The following TPM1 variants were observed in gnomAD, a reference collection of about 807,000 sequenced individuals.
The protein encoded by TPM1 is tropomyosin alpha-1 chain.
A neutral mutation model predicts 42.9 loss-of-function variants in TPM1; 24 were observed. That is an observed-to-expected ratio of 0.56 (90% CI 0.41 to 0.79). The LOEUF (loss-of-function observed/expected upper bound fraction) is 0.79, where lower values mean the gene tolerates loss of function less well. Among genes scored for constraint, TPM1 ranks in the 30% least tolerant of loss-of-function variants. TPM1 has a pLI of 0.00. For synonymous variants in TPM1, 136 were observed against 130.1 expected, an observed-to-expected ratio of 1.05 and a Z score of -0.31; for missense variants, 158 against 351.8, an observed-to-expected ratio of 0.45 and a Z score of 4.41.
At chr15:63,070,326 G>GTATA (rs60393555), downstream of TPM1, 2,918 of 667,112 alleles carry the variant, frequency 4.4e-3, 59 homozygotes, top group African/African-American at 0.036. Flanking sequence ...GTGTGTGTGT[G>GTATA]TATATATTCC....
At chr15:63,067,129 G>T (rs1418906056), downstream of TPM1, among the ~76,000 whole-genome samples, 1 of 151,662 alleles carries the variant, frequency 6.6e-6, no homozygotes. Context: ...TGGATGATCT[G>T]CATGTTTTGT....
chr15:63,045,703 C>T (rs551666768), intron 2 of TPM1: 1 of 152,250 alleles, frequency 6.6e-6, no homozygotes, highest in East Asian at 1.9e-4. Context: ...ATTATTGTAA[C>T]TATGTAGTGC....
intron 6 of TPM1, 192 bp from the exon 7 acceptor site, chr15:63,062,020 CTTG>C (rs1471934504): frequency 1.2e-5 from 8 of 682,690 alleles, no homozygotes; most frequent in African/African-American, 5.4e-5. Flanking sequence ...GATAAGTTAT[CTTG>C]TTGTTATCCC....
chr15:63,043,370 G>A (rs2031605457), intron 1 of TPM1: 1 of 577,308 alleles, frequency 1.7e-6, no homozygotes, highest in Admixed American at 2.2e-5. Context: ...GAGGAGAAGG[G>A]AGTCCTGGAG....
chr15:63,059,178 T>G (rs142421226), intron 3 of TPM1, among the ~76,000 whole-genome samples: 3 of 152,364 alleles, frequency 2.0e-5, no homozygotes, highest in Admixed American at 2.0e-4. Context: ...TTGGTTCATG[T>G]GCAAGCTGAG....
intron 9 of TPM1, chr15:63,065,378 C>A: frequency 1.0e-6 from 1 of 990,038 alleles, no homozygotes; most frequent in Non-Finnish European, 1.2e-6. Flanking sequence ...TTTACCCATG[C>A]AGAAAAAATG....
Position 63,071,252 on chromosome 15 carries a change from T to C in TPM1, c.*80T>C, listed in dbSNP as rs1063532. On this transcript the variant is annotated 3_prime_UTR_variant, in exon 9 of 9. Transcript: ENST00000267996. Reference sequence around the variant, plus strand: ...CACCTGCTTACCCCTTAAATGCAATTTATTTACTTTTACCACTGTCACAGA... The same window carrying C: ...CACCTGCTTACCCCTTAAATGCAATCTATTTACTTTTACCACTGTCACAGA... The C allele has an allele frequency of 2.1e-6, 3 of 1,449,436 alleles. No individual in the cohort carries two copies. The Admixed American group carries it at 5.1e-5, about 25-fold the overall frequency. The allele number at this position is 1,449,436 out of a possible 1,614,324, so 89.8% of individuals were successfully genotyped here.
downstream of TPM1, chr15:63,066,247 G>A: frequency 8.6e-7 from 1 of 1,164,140 alleles, no homozygotes; most frequent in South Asian, 2.3e-5. Context: ...TATATCAGGA[G>A]TTTCTAAAGC....
intron 8 of TPM1, chr15:63,062,862 A>G (rs1468033694): frequency 6.6e-6 from 10 of 1,520,280 alleles, no homozygotes; most frequent in Non-Finnish European, 7.9e-6. Flanking sequence ...CATAGTGGCA[A>G]ATGCCATCCA....
At chr15:63,056,699 C>T (rs935183320) in intron 2 of TPM1, 27 of 406,152 alleles carry the variant, frequency 6.6e-5, no homozygotes, top group Non-Finnish European at 9.2e-5. Context: ...AAAAAATCTA[C>T]GGAAGAAAGG....
At chr15:63,043,886 C>T in intron 1 of TPM1, 141 bp from the exon 2 acceptor site, 1 of 1,550,790 alleles carries the variant, frequency 6.4e-7, no homozygotes. Flanking sequence ...CTTTCTCTTT[C>T]TCTCTCTCCC....
At chr15:63,071,506 T>C (rs2036604586) in exon 9 of TPM1, 1 of 361,248 alleles carries the variant, frequency 2.8e-6, no homozygotes, top group Non-Finnish European at 5.4e-6. Flanking sequence ...AGGTTAATGT[T>C]GGAAACACAA....
At chr15:63,065,676 T>C (rs1370293520) in intron 9 of TPM1, 1 of 979,190 alleles carries the variant, frequency 1.0e-6, no homozygotes, top group Non-Finnish European at 1.2e-6. Flanking sequence ...ATTCTGTTCA[T>C]GGGTCTTCTT....
chr15:63,048,504 GGCAGCCGGGTCCGCAGGGCA>G (rs2032998608), intron 2 of TPM1: 1 of 1,465,468 alleles, frequency 6.8e-7, no homozygotes, highest in Non-Finnish European at 9.0e-7. Flanking sequence ...GGACAGCCGC[GGCAGCCGGGTCCGCAGGGCA>G]GCAGCCGGCC....
intron 8 of TPM1, 162 bp downstream of exon 8, chr15:63,062,807 T>C: frequency 2.6e-6 from 4 of 1,541,178 alleles, no homozygotes; most frequent in Non-Finnish European, 3.5e-6. Context: ...CTTGAACTCA[T>C]GAACCTAAGT....
chr15:63,043,227 G>T, intron 1 of TPM1: 4 of 524,560 alleles, frequency 7.6e-6, no homozygotes, highest in South Asian at 3.8e-5. Flanking sequence ...AATCAGTTTG[G>T]GGGAGGGAGG....
intron 1 of TPM1, chr15:63,043,404 G>A: frequency 1.6e-6 from 1 of 616,978 alleles, no homozygotes; most frequent in Non-Finnish European, 3.0e-6. Flanking sequence ...ACAAAGATGG[G>A]GCGGAATGGA....
intron 2 of TPM1, 160 bp from the exon 3 acceptor site, chr15:63,056,825 C>A: frequency 1.1e-6 from 1 of 902,016 alleles, no homozygotes; most frequent in Non-Finnish European, 1.8e-6. Flanking sequence ...TAAATGTGTC[C>A]GAGAACTCCA....
chr15:63,053,120 T>A (rs1288264958), intron 2 of TPM1, among the ~76,000 whole-genome samples: 1 of 152,214 alleles, frequency 6.6e-6, no homozygotes, highest in African/African-American at 2.4e-5. Flanking sequence ...AGGGAGTAAA[T>A]GTTCCGTGTC....
Sources: allele counts gnomAD v4.1 joint callset (sites outside exome capture counted in the v4.1 genomes callset), GRCh38; gene constraint gnomAD v4.1.1; transcripts MANE v1.5; gene names NCBI Gene and HGNC (gene_info 2026-07-23, HGNC 2026-07-21).